Variants in GDAP1 observed in about 807,000 individuals in gnomAD.
The protein encoded by GDAP1 is ganglioside-induced differentiation-associated protein 1.
In GDAP1, 34 loss-of-function variants were observed where a neutral mutation model predicts 40.1. The ratio of observed to expected loss-of-function variants is 0.85; its 90% CI spans 0.64 to 1.13. The LOEUF (loss-of-function observed/expected upper bound fraction) is 1.13, where lower values mean the gene tolerates loss of function less well. GDAP1 is among the 50% of genes most tolerant of loss of function. GDAP1 has a pLI of 0.00. For synonymous variants in GDAP1, 170 were observed against 157.4 expected (o/e 1.08, Z -0.60); for missense variants, 374 against 433.7 (o/e 0.86, Z 1.22).
At chr8:74,357,962 T>A (rs1809183200) in intron 2 of GDAP1, among the ~76,000 whole-genome samples, 1 of 152,232 alleles carries the variant, frequency 6.6e-6, no homozygotes, top group African/African-American at 2.4e-5. Flanking sequence ...AAAACTCTTT[T>A]ATCAGAAGCA....
chr8:74,471,659 G>A (rs1431508072), intron 2 of GDAP1, among the ~76,000 whole-genome samples: 1 of 152,044 alleles, frequency 6.6e-6, no homozygotes, highest in Non-Finnish European at 1.5e-5. Context: ...TCATTACCCT[G>A]TTGTAATCCA....
At chr8:74,437,564 C>G (rs1806107844) in intron 2 of GDAP1, among the ~76,000 whole-genome samples, 1 of 152,110 alleles carries the variant, frequency 6.6e-6, no homozygotes, top group African/African-American at 2.4e-5. Context: ...ATTCACATCT[C>G]TCTTTCCCAT....
chr8:74,436,703 T>C (rs1563469631), intron 2 of GDAP1, among the ~76,000 whole-genome samples: 2 of 135,726 alleles, frequency 1.5e-5, no homozygotes, highest in Admixed American at 1.4e-4. Flanking sequence ...ATTATAGGCG[T>C]GAGCCACTGC....
intron 2 of GDAP1, among the ~76,000 whole-genome samples, chr8:74,388,962 T>C (rs1014751200): frequency 6.6e-6 from 1 of 152,218 alleles, no homozygotes; most frequent in Non-Finnish European, 1.5e-5. Flanking sequence ...TTGATCTTTG[T>C]TGGTTTAAAG....
chr8:74,469,025 T>G (rs1197784143), intron 2 of GDAP1, among the ~76,000 whole-genome samples: 2 of 152,150 alleles, frequency 1.3e-5, no homozygotes, highest in African/African-American at 4.8e-5. Flanking sequence ...ATTATATGAT[T>G]TTTTTCTCCT....
chr8:74,386,183 C>G (rs1475552962), intron 2 of GDAP1, among the ~76,000 whole-genome samples: 24 of 152,188 alleles, frequency 1.6e-4, no homozygotes, highest in Admixed American at 1.6e-3. Flanking sequence ...TGCAGAAGCT[C>G]TTTAGTTTAA....
At chr8:74,380,956 G>A (rs1207306733) in intron 2 of GDAP1, among the ~76,000 whole-genome samples, 1 of 152,008 alleles carries the variant, frequency 6.6e-6, no homozygotes, top group African/African-American at 2.4e-5. Context: ...GTTTAACTCT[G>A]TCCAGTGCAA....
downstream of GDAP1, among the ~76,000 whole-genome samples, chr8:74,370,070 C>T (rs1426071779): frequency 6.6e-6 from 1 of 152,180 alleles, no homozygotes. Context: ...AAACCAAAAA[C>T]TGCTAAAGGC....
At chr8:74,376,956 G>T (rs1809865302) in intron 2 of GDAP1, among the ~76,000 whole-genome samples, 1 of 151,764 alleles carries the variant, frequency 6.6e-6, no homozygotes. Context: ...CTGTTTTATT[G>T]GGAAAAGAAA....
At chr8:74,460,477 A>T (rs1360268930) in intron 2 of GDAP1, among the ~76,000 whole-genome samples, 1 of 152,216 alleles carries the variant, frequency 6.6e-6, no homozygotes, top group South Asian at 2.1e-4. Flanking sequence ...ACTAAAACAT[A>T]TGTCTATGTG....
At chr8:74,371,923 C>G (rs1259275383) in intron 2 of GDAP1, among the ~76,000 whole-genome samples, 3 of 149,140 alleles carry the variant, frequency 2.0e-5, no homozygotes, top group African/African-American at 5.0e-5. Flanking sequence ...CCCCTCCCCC[C>G]CCACCCCATG....
intron 2 of GDAP1, among the ~76,000 whole-genome samples, chr8:74,441,572 TA>T (rs1563470942): frequency 6.6e-6 from 1 of 152,174 alleles, no homozygotes; most frequent in Non-Finnish European, 1.5e-5. Flanking sequence ...GCTTACTATG[TA>T]AAACAAAATT....
chr8:74,391,233 A>T (rs1405279935), intron 2 of GDAP1, among the ~76,000 whole-genome samples: 1 of 145,582 alleles, frequency 6.9e-6, no homozygotes, highest in East Asian at 2.0e-4. Context: ...GTATGAAAAA[A>T]AAAACTCCTA....
intron 2 of GDAP1, among the ~76,000 whole-genome samples, chr8:74,464,167 G>A (rs2131581262): frequency 1.3e-5 from 2 of 152,266 alleles, no homozygotes; most frequent in South Asian, 4.1e-4. Flanking sequence ...AAACAGGTTT[G>A]GGTGAGGCAT....
At chr8:74,419,513 T>C (rs924410870) in intron 2 of GDAP1, among the ~76,000 whole-genome samples, 1 of 152,084 alleles carries the variant, frequency 6.6e-6, no homozygotes, top group Non-Finnish European at 1.5e-5. Context: ...TATTTTAAAA[T>C]TGGGATGCTT....
downstream of GDAP1, among the ~76,000 whole-genome samples, chr8:74,368,963 G>T (rs368965076): frequency 1.6e-4 from 24 of 152,094 alleles, no homozygotes; most frequent in East Asian, 9.6e-4. Context: ...GAAGACCACT[G>T]CTCTGCACCC....
intron 2 of GDAP1, among the ~76,000 whole-genome samples, chr8:74,434,409 T>A (rs765499231): frequency 5.3e-5 from 8 of 152,206 alleles, no homozygotes; most frequent in Non-Finnish European, 1.0e-4. Context: ...CATGAAGTAA[T>A]TAGACCATCA....
chr8:74,362,104 C>T, intron 4 of GDAP1, 126 bp downstream of exon 4: 1 of 695,184 alleles, frequency 1.4e-6, no homozygotes, highest in Non-Finnish European at 2.6e-6. Context: ...CACATGTTAC[C>T]TTTGGCTTAT....
intron 2 of GDAP1, among the ~76,000 whole-genome samples, chr8:74,438,942 A>C (rs911664696): frequency 6.6e-6 from 1 of 152,166 alleles, no homozygotes; most frequent in Non-Finnish European, 1.5e-5. Flanking sequence ...AAGTATTCAT[A>C]TATAATCTGG....
Sources: allele counts gnomAD v4.1 joint callset (sites outside exome capture counted in the v4.1 genomes callset), GRCh38; gene constraint gnomAD v4.1.1; transcripts MANE v1.5; gene names NCBI Gene and HGNC (gene_info 2026-07-23, HGNC 2026-07-21).